The following CNTN5 variants were observed in gnomAD, a reference collection of about 807,000 sequenced individuals.
The protein encoded by CNTN5 is contactin 5.
In CNTN5, 77 loss-of-function variants were observed where a neutral mutation model predicts 129.1. That is an observed-to-expected ratio of 0.60 (90% CI 0.50 to 0.72). The LOEUF is 0.72. Ranked by LOEUF, CNTN5 falls within the 30% of genes least tolerant of loss-of-function variation. CNTN5 has a pLI of 0.00. For synonymous variants in CNTN5, 509 were observed against 465.6 expected (o/e 1.09, Z -1.20); for missense variants, 1,478 against 1,328.8 (o/e 1.11, Z -1.75).
intron 13 of CNTN5, among the ~76,000 whole-genome samples, chr11:100,131,511 G>A (rs769466604): frequency 2.6e-5 from 4 of 152,012 alleles, no homozygotes; most frequent in Non-Finnish European, 5.9e-5. Context: ...CTATGTTTGG[G>A]GGGAAACTGA....
Position 100,061,267 on chromosome 11 carries a change from C to T in CNTN5, c.1036C>T (p.Arg346Cys), listed in dbSNP as rs1333044265. ...TAATGGTTATATTCCTAGTAAGGCA[C>T]GTCTGCGGAAATCTCAGGCGGTGCT... is the stretch of plus-strand genomic sequence containing the variant. ...KVNGYIPSKA[R>C]LRKSQAVLEI... The change falls in exon 10 of 25, where the codon CGT becomes TGT. Residue 346 changes from arginine (R) to cysteine (C), a missense_variant. By Grantham distance (180) the Arg-to-Cys change is radical. Coordinates refer to ENST00000524871, the MANE Select transcript of CNTN5 (RefSeq NM_014361.4). 5 of 1,613,510 alleles carry T rather than the reference C, an allele frequency of 3.1e-6. No individual in the cohort carries two copies. Among genetic ancestry groups the T allele is most frequent in the Non-Finnish European group, 3.4e-6 (4 of 1,179,532 alleles).
In CNTN5 at chr11:99,497,611, G is replaced by C. The variant is rs556261996; in HGVS notation, c.-70-58534G>C. On this transcript the variant is annotated intron_variant, in intron 2 of 24. Transcript: ENST00000524871. ...CGAATAAAAACAGAATATTCAAAAA[G>C]AGTTGAATGACATACATGTAGCTCA... 1.7e-4 allele frequency among the ~76,000 whole-genome samples: 26 copies of C among 152,224 alleles called. No homozygotes were observed. The South Asian group carries it at 5.0e-3, about 29-fold the overall frequency.
chr11:99,071,818 A>G (rs1865352103), intron 1 of CNTN5, among the ~76,000 whole-genome samples: 1 of 152,120 alleles, frequency 6.6e-6, no homozygotes, highest in Non-Finnish European at 1.5e-5. Flanking sequence ...GACAAATTCC[A>G]TGAAAAACAC....
At chr11:99,937,474 A>G (rs773285961) in intron 7 of CNTN5, among the ~76,000 whole-genome samples, 4 of 152,220 alleles carry the variant, frequency 2.6e-5, no homozygotes, top group Non-Finnish European at 5.9e-5. Flanking sequence ...ACCTCGCTCA[A>G]TCAGCACAGT....
Position 99,608,076 on chromosome 11 carries a change from T to C in CNTN5, c.55+51807T>C, listed in dbSNP as rs28711530. On this transcript the variant is annotated intron_variant, in intron 3 of 24. Coordinates refer to ENST00000524871, the MANE Select transcript of CNTN5 (RefSeq NM_014361.4). The stretch of plus-strand genomic sequence containing the variant: ...GTAACTAACCTGCACAATGTGCACA[T>C]GTACCCTAAAACTTAGAGTATAATA... Among the ~76,000 whole-genome samples the C allele has an allele frequency of 6.1e-3, 717 of 117,068 alleles. 18 individuals are homozygous for C. In the East Asian group the frequency reaches 0.13, roughly 21 times the overall value. 76.8% of individuals were successfully genotyped at this position (117,068 alleles called of 152,430 possible).
At chr11:99,092,343 G>A (rs10892769) in intron 1 of CNTN5, among the ~76,000 whole-genome samples, 37,515 of 151,692 alleles carry the variant, frequency 0.25, 5,074 homozygotes, top group Middle Eastern at 0.31. Flanking sequence ...AGAGTACTTG[G>A]GTATTCTGTG....
At chr11:99,611,690 T>C (rs1482028786) in intron 3 of CNTN5, among the ~76,000 whole-genome samples, 2 of 152,116 alleles carry the variant, frequency 1.3e-5, no homozygotes, top group African/African-American at 4.8e-5. Context: ...TTGAAAAAGG[T>C]GGATGGAGGA....
intron 3 of CNTN5, among the ~76,000 whole-genome samples, chr11:99,787,513 AC>A (rs11356309): frequency 1 from 150,484 of 150,488 alleles, 75,240 homozygotes; most frequent in Middle Eastern, 1. Context: ...AGTAGTTTTT[AC>A]CCAGAAAAAA....
At chr11:99,578,083 G>GT (rs1555034471) in intron 3 of CNTN5, among the ~76,000 whole-genome samples, 2 of 150,180 alleles carry the variant, frequency 1.3e-5, no homozygotes, top group African/African-American at 4.9e-5. Context: ...GCGGTGTTTG[G>GT]TTTTTTCTCC....
intron 9 of CNTN5, among the ~76,000 whole-genome samples, chr11:100,036,268 A>G (rs1941996520): frequency 6.6e-6 from 1 of 152,058 alleles, no homozygotes; most frequent in Admixed American, 6.6e-5. Context: ...GTCAAAGATC[A>G]GATAGCTGTA....
intron 12 of CNTN5, among the ~76,000 whole-genome samples, chr11:100,072,618 A>G (rs1245369709): frequency 6.6e-6 from 1 of 152,170 alleles, no homozygotes; most frequent in African/African-American, 2.4e-5. Context: ...TCCCCATTTA[A>G]ATTTAAATTC....
chr11:100,167,715 A>C (rs1442276959), intron 13 of CNTN5, among the ~76,000 whole-genome samples: 1 of 151,938 alleles, frequency 6.6e-6, no homozygotes. Flanking sequence ...GTGACACTTA[A>C]ACTGAGAACT....
At chr11:99,120,824 C>T (rs900889773) in intron 1 of CNTN5, among the ~76,000 whole-genome samples, 3 of 152,148 alleles carry the variant, frequency 2.0e-5, no homozygotes, top group East Asian at 3.9e-4. Context: ...TTTTCTAAAT[C>T]TTGAATTTTC....
intron 3 of CNTN5, among the ~76,000 whole-genome samples, chr11:99,761,080 G>C (rs1944563559): frequency 6.6e-6 from 1 of 152,096 alleles, no homozygotes; most frequent in African/African-American, 2.4e-5. Flanking sequence ...CATATTCTCA[G>C]TGAACGTTCC....
At chr11:99,636,247 G>A (rs1468358503) in intron 3 of CNTN5, among the ~76,000 whole-genome samples, 1 of 152,120 alleles carries the variant, frequency 6.6e-6, no homozygotes, top group Non-Finnish European at 1.5e-5. Context: ...TTATATGGGG[G>A]AGATTGGGTG....
At chr11:99,975,552 A>G (rs1190706807) in intron 8 of CNTN5, among the ~76,000 whole-genome samples, 2 of 152,190 alleles carry the variant, frequency 1.3e-5, no homozygotes, top group African/African-American at 4.8e-5. Context: ...TGACTCACAG[A>G]TCCACGTGGC....
chr11:99,088,899 G>A (rs1230880956), intron 1 of CNTN5, among the ~76,000 whole-genome samples: 1 of 152,060 alleles, frequency 6.6e-6, no homozygotes, highest in East Asian at 1.9e-4. Context: ...TGCTTTCAGA[G>A]CTTATTTATG....
At chr11:99,165,923 G>A (rs538076605) in intron 1 of CNTN5, among the ~76,000 whole-genome samples, 2 of 152,284 alleles carry the variant, frequency 1.3e-5, no homozygotes, top group South Asian at 4.2e-4. Flanking sequence ...TGATGGTTGA[G>A]AAGTCAACAT....
intron 21 of CNTN5, among the ~76,000 whole-genome samples, chr11:100,321,229 T>C (rs1172638528): frequency 6.6e-6 from 1 of 151,910 alleles, no homozygotes; most frequent in Non-Finnish European, 1.5e-5. Flanking sequence ...ATTTTTTTAA[T>C]CAATGTTTTA....
Sources: gnomAD v4.1 joint callset for allele counts (sites outside exome capture counted in the v4.1 genomes callset) on GRCh38, gnomAD v4.1.1 for gene constraint, MANE v1.5 for transcripts, NCBI Gene and HGNC (gene_info 2026-07-23, HGNC 2026-07-21) for gene names.